The following N4BP2L1 variants were observed in gnomAD, a reference collection of about 807,000 sequenced individuals.
N4BP2L1 encodes NEDD4-binding protein 2-like 1.
N4BP2L1 carries 12 observed loss-of-function variants against 21.2 expected under a neutral mutation model. The ratio of observed to expected loss-of-function variants is 0.57; its 90% CI spans 0.36 to 0.92. N4BP2L1 has a LOEUF of 0.92. Ranked by LOEUF, N4BP2L1 falls within the 40% of genes least tolerant of loss-of-function variation. N4BP2L1 has a pLI of 0.01. For synonymous variants in N4BP2L1, 104 were observed against 112.8 expected, an observed-to-expected ratio of 0.92 and a Z score of 0.49; for missense variants, 259 against 310.6, an observed-to-expected ratio of 0.83 and a Z score of 1.25.
intron 1 of N4BP2L1, among the ~76,000 whole-genome samples, chr13:32,427,255 G>A (rs2074827124): frequency 6.6e-6 from 1 of 152,146 alleles, no homozygotes; most frequent in South Asian, 2.1e-4. Context: ...GCACCTGTGC[G>A]CCTTCGCAGC....
intron 1 of N4BP2L1, among the ~76,000 whole-genome samples, chr13:32,412,476 A>G (rs1345168575): frequency 1.3e-5 from 2 of 151,908 alleles, no homozygotes; most frequent in African/African-American, 4.8e-5. Flanking sequence ...AAAATAACAA[A>G]CATTAGCCAG....
chr13:32,412,713 C>T (rs1329048423), intron 1 of N4BP2L1, among the ~76,000 whole-genome samples: 1 of 151,618 alleles, frequency 6.6e-6, no homozygotes, highest in Non-Finnish European at 1.5e-5. Flanking sequence ...TCAAGTATCT[C>T]TTAAGAATAA....
At chr13:32,427,879 C>T (rs2074881146) in intron 1 of N4BP2L1, 25 bp downstream of exon 1, 1 of 1,433,374 alleles carries the variant, frequency 7.0e-7, no homozygotes, top group South Asian at 1.4e-5. Context: ...GGCCCGTGCA[C>T]CGGCGCCCAG....
At chr13:32,407,387 G>C (rs761006244) in intron 2 of N4BP2L1, 49 bp from the exon 3 acceptor site, 2 of 1,613,638 alleles carry the variant, frequency 1.2e-6, no homozygotes, top group African/African-American at 2.7e-5. Flanking sequence ...CAATCAGAGG[G>C]AAGGTGAGCG....
intron 1 of N4BP2L1, among the ~76,000 whole-genome samples, chr13:32,426,397 C>T (rs1256251118): frequency 6.6e-6 from 1 of 152,152 alleles, no homozygotes; most frequent in African/African-American, 2.4e-5. Flanking sequence ...GGAGGCTCCC[C>T]GACTCTGCCT....
chr13:32,411,441 G>T, intron 1 of N4BP2L1: 1 of 821,836 alleles, frequency 1.2e-6, no homozygotes, highest in Middle Eastern at 6.3e-4. Context: ...TGAATAGGCA[G>T]GACAATAAAA....
intron 1 of N4BP2L1, chr13:32,425,713 A>T (rs1275484418): frequency 6.6e-6 from 1 of 152,168 alleles, no homozygotes; most frequent in Non-Finnish European, 1.5e-5. Flanking sequence ...AATTGACTCC[A>T]AGGTCAGAGC....
intron 1 of N4BP2L1, among the ~76,000 whole-genome samples, chr13:32,423,915 T>C (rs537344093): frequency 6.6e-6 from 1 of 152,280 alleles, no homozygotes; most frequent in South Asian, 2.1e-4. Flanking sequence ...GTGGATTGTA[T>C]ATAAAAATGG....
chr13:32,425,533 T>C (rs2074715595), intron 1 of N4BP2L1: 1 of 143,932 alleles, frequency 6.9e-6, no homozygotes, highest in Non-Finnish European at 1.5e-5. Context: ...TCTTAAAATG[T>C]ATATAGCACT....
chr13:32,405,627 G>A (rs939282359), intron 3 of N4BP2L1, among the ~76,000 whole-genome samples: 2 of 152,064 alleles, frequency 1.3e-5, no homozygotes, highest in African/African-American at 4.8e-5. Flanking sequence ...TTCATTTCTC[G>A]CCCAAGTAGA....
chr13:32,403,202 T>A lies in N4BP2L1; in HGVS notation c.474-2A>T. 1.3e-6 allele frequency: 2 copies of A among 1,583,112 alleles called. No individual in the cohort carries two copies. The highest frequency in any genetic ancestry group is 3.7e-5 in the Admixed American group (2 of 54,510). Reference sequence around the variant, plus strand: ...CTTGAGACACCATGAATGTTTCTTCTACATGGAAAAAAAATGCATTTAGTT... The same window carrying A: ...CTTGAGACACCATGAATGTTTCTTCAACATGGAAAAAAAATGCATTTAGTT... On this transcript the variant is annotated splice_acceptor_variant, in intron 4 of 4. Coordinates refer to ENST00000380130, the MANE Select transcript of N4BP2L1 (RefSeq NM_052818.3). LOFTEE classifies it high-confidence loss of function.
intron 1 of N4BP2L1, among the ~76,000 whole-genome samples, chr13:32,422,694 G>A (rs988832375): frequency 1.3e-5 from 2 of 152,046 alleles, no homozygotes; most frequent in Non-Finnish European, 2.9e-5. Context: ...CACATACCAC[G>A]CTGTATATTT....
At chr13:32,407,206 C>T in intron 3 of N4BP2L1, 44 bp downstream of exon 3, 1 of 1,579,182 alleles carries the variant, frequency 6.3e-7, no homozygotes, top group Non-Finnish European at 8.7e-7. Context: ...AACTTTCTCA[C>T]AAAATGTCCA....
intron 1 of N4BP2L1, among the ~76,000 whole-genome samples, chr13:32,424,702 C>T (rs1566356528): frequency 6.6e-6 from 1 of 152,122 alleles, no homozygotes; most frequent in Non-Finnish European, 1.5e-5. Context: ...CTGTAATATG[C>T]TTTTTAAATG....
chr13:32,414,642 T>C (rs1449157956), intron 1 of N4BP2L1, among the ~76,000 whole-genome samples: 1 of 152,196 alleles, frequency 6.6e-6, no homozygotes, highest in Non-Finnish European at 1.5e-5. Flanking sequence ...TAAATTCTAT[T>C]ATTTTTTTAA....
intron 1 of N4BP2L1, among the ~76,000 whole-genome samples, chr13:32,418,002 A>C (rs940316477): frequency 6.6e-6 from 1 of 152,226 alleles, no homozygotes; most frequent in Non-Finnish European, 1.5e-5. Flanking sequence ...GATGTGATAG[A>C]AAAGAAAGCC....
chr13:32,402,385 G>T lies in N4BP2L1; in HGVS notation c.*557C>A. ...ACTTCCCAAAGTGTCTACTTTGAAG[G>T]ACAATGTTCCCTTAGATGTATGCTT... On this transcript the variant is annotated 3_prime_UTR_variant, in exon 5 of 5. Transcript: ENST00000380130. 1.4e-6 allele frequency: 1 copy of T among 736,950 alleles called. No individual in the cohort carries two copies. Among genetic ancestry groups the T allele is most frequent in the Non-Finnish European group, 1.7e-6 (1 of 603,456 alleles). The allele number at this position is 736,950 out of a possible 1,614,324, so 45.7% of individuals were successfully genotyped here.
rs748625926 is a variant in N4BP2L1, at chr13:32,403,177, C to G, written c.497G>C (p.Arg166Thr). The change falls in exon 5 of 5, where the codon AGA becomes ACA. Residue 166 changes from arginine to threonine, a missense_variant. By Grantham distance (71) the Arg-to-Thr change is moderately conservative. This residue lies in a region of N4BP2L1 where 108 missense variants were observed against 107.8 expected (regional missense o/e 1.00). Transcript: ENST00000380130. Reference protein sequence around the residue: ...LARRNIHGVSREKIHRMKERY... With the variant: ...LARRNIHGVSTEKIHRMKERY... ...TTCTTTCATTCGGTGGATTTTTTCT[C>G]TTGAGACACCATGAATGTTTCTTCT... 6.2e-7 allele frequency: 1 copy of G among 1,606,646 alleles called. No individual in the cohort carries two copies. Among genetic ancestry groups the G allele is most frequent in the Non-Finnish European group, 8.5e-7 (1 of 1,175,566 alleles).
chr13:32,409,660 A>C (rs1360655181), intron 1 of N4BP2L1, among the ~76,000 whole-genome samples: 2 of 152,182 alleles, frequency 1.3e-5, no homozygotes, highest in East Asian at 3.9e-4. Flanking sequence ...GGCCCAGCAA[A>C]GCGCTGAGAG....
Sources: gnomAD v4.1 joint callset for allele counts (sites outside exome capture counted in the v4.1 genomes callset) on GRCh38, gnomAD v4.1.1 for gene constraint, gnomAD v4.1.1 regional missense constraint, MANE v1.5 for transcripts, NCBI Gene and HGNC (gene_info 2026-07-23, HGNC 2026-07-21) for gene names.